Variants in VPS4B observed in about 807,000 individuals in gnomAD.
VPS4B encodes vacuolar protein sorting-associated protein 4B.
Under a neutral mutation model 56.1 loss-of-function variants are expected in VPS4B, and 23 were observed. That is an observed-to-expected ratio of 0.41 (90% CI 0.30 to 0.58). VPS4B has a LOEUF of 0.58. Among genes scored for constraint, VPS4B ranks in the 20% least tolerant of loss-of-function variants. The pLI is 0.29. For synonymous variants in VPS4B, 177 were observed against 186.0 expected, an observed-to-expected ratio of 0.95 and a Z score of 0.39; for missense variants, 372 against 531.9, an observed-to-expected ratio of 0.70 and a Z score of 2.96.
At chr18:63,394,469 CTTTT>C (rs554481058) in intron 9 of VPS4B, among the ~76,000 whole-genome samples, 1 of 143,032 alleles carries the variant, frequency 7.0e-6, no homozygotes, top group Admixed American at 7.0e-5. Context: ...GGAGGCACTT[CTTTT>C]TTTTTTTTTT....
rs1418707016 is a variant in VPS4B, at chr18:63,389,507, T to TA, written c.*1467dup. Reference sequence around the variant, plus strand: ...GGGAATCTAGTTCATCCTAACTTAATAGTCTTTTGCATGTATAGACAATGC... The same window carrying TA: ...GGGAATCTAGTTCATCCTAACTTAATAAGTCTTTTGCATGTATAGACAATGC... On this transcript the variant is annotated 3_prime_UTR_variant, in exon 11 of 11. Coordinates refer to ENST00000238497, the MANE Select transcript of VPS4B (RefSeq NM_004869.4). 6.5e-6 allele frequency: 1 copy of TA among 152,702 alleles called. No individual in the cohort carries two copies. Among genetic ancestry groups the TA allele is most frequent in the African/African-American group, 2.4e-5 (1 of 41,470 alleles). The allele number at this position is 152,702 out of a possible 1,614,324, so 9.5% of individuals were successfully genotyped here.
chr18:63,403,272 T>C (rs1371975030), intron 5 of VPS4B, among the ~76,000 whole-genome samples: 1 of 152,256 alleles, frequency 6.6e-6, no homozygotes, highest in Non-Finnish European at 1.5e-5. Context: ...CCTAGGCATA[T>C]ATTAATATTT....
At chr18:63,404,898 T>C (rs1438084325) in intron 4 of VPS4B, among the ~76,000 whole-genome samples, 1 of 152,180 alleles carries the variant, frequency 6.6e-6, no homozygotes, top group Non-Finnish European at 1.5e-5. Context: ...ACCATAAGCA[T>C]TTTGTATTCC....
chr18:63,407,267 C>T lies in VPS4B; in HGVS notation c.364+165G>A, dbSNP rs945679841. On this transcript the variant is annotated intron_variant, in intron 4 of 10. Transcript: ENST00000238497. ...CAAACCATGATCCTAGAGGGCAAAC[C>T]CTAAGAAAACACTCTAAACAAAGCC... 1.9e-5 allele frequency: 12 copies of T among 623,294 alleles called. No individual in the cohort carries two copies. The East Asian group carries it at 3.2e-4, about 17-fold the overall frequency. 38.6% of individuals were successfully genotyped at this position (623,294 alleles called of 1,614,324 possible). A position where few individuals can be genotyped will look rare whatever the true frequency, so the allele number is the denominator to read the frequency against.
At chr18:63,393,731 T>C (rs1300191182) in intron 9 of VPS4B, among the ~76,000 whole-genome samples, 182 bp from the exon 10 acceptor site, 3 of 152,020 alleles carry the variant, frequency 2.0e-5, no homozygotes, top group African/African-American at 4.8e-5. Flanking sequence ...TGGGATAGAT[T>C]TTGGTTGCTT....
chr18:63,416,575 C>G (rs1400295606), intron 1 of VPS4B: 1 of 152,230 alleles, frequency 6.6e-6, no homozygotes, highest in Non-Finnish European at 1.5e-5. Context: ...AAACTACTAC[C>G]CAGCCTCGTG....
At chr18:63,422,076 C>A (rs551366774) in intron 1 of VPS4B, among the ~76,000 whole-genome samples, 157 bp downstream of exon 1, 29 of 152,324 alleles carry the variant, frequency 1.9e-4, no homozygotes, top group African/African-American at 6.7e-4. Flanking sequence ...CGTTGGAAAA[C>A]GGGCCCCTCT....
intron 8 of VPS4B, among the ~76,000 whole-genome samples, chr18:63,398,190 T>TAC (rs967159935): frequency 5.4e-4 from 72 of 132,824 alleles, no homozygotes; most frequent in African/African-American, 1.1e-3. Flanking sequence ...TATACATATA[T>TAC]ACACACACAC....
chr18:63,415,728 G>C (rs1005671833), intron 1 of VPS4B: 9 of 240,982 alleles, frequency 3.7e-5, no homozygotes, highest in Non-Finnish European at 9.0e-6. Context: ...GGAGCTGATG[G>C]AGCTGATGAC....
chr18:63,400,340 A>C, intron 6 of VPS4B, 144 bp from the exon 7 acceptor site: 1 of 1,126,302 alleles, frequency 8.9e-7, no homozygotes, highest in East Asian at 2.6e-5. Context: ...CAACTGGATA[A>C]TTCACTTTAT....
intron 10 of VPS4B, among the ~76,000 whole-genome samples, chr18:63,391,993 A>C (rs1174244624): frequency 1.3e-5 from 2 of 152,220 alleles, no homozygotes; most frequent in African/African-American, 4.8e-5. Flanking sequence ...ACAAAGTACA[A>C]AAAATAAAAA....
At chr18:63,412,829 A>C (rs1916074549) in intron 1 of VPS4B, among the ~76,000 whole-genome samples, 1 of 152,090 alleles carries the variant, frequency 6.6e-6, no homozygotes, top group Non-Finnish European at 1.5e-5. Context: ...ACCCAGCTAA[A>C]ACTTTTAGAA....
intron 9 of VPS4B, among the ~76,000 whole-genome samples, chr18:63,395,122 T>C (rs1349295973): frequency 6.6e-6 from 1 of 152,196 alleles, no homozygotes; most frequent in East Asian, 1.9e-4. Context: ...ATAAAACTCA[T>C]CTGGCTGTGT....
chr18:63,416,271 GCAGCA>G, intron 1 of VPS4B: 1 of 212,184 alleles, frequency 4.7e-6, no homozygotes, highest in Admixed American at 4.4e-5. Context: ...CCCTGTTCCT[GCAGCA>G]GCTGTAGCTC....
intron 1 of VPS4B, among the ~76,000 whole-genome samples, chr18:63,414,537 T>C (rs1210529621): frequency 1.3e-5 from 2 of 152,046 alleles, no homozygotes. Flanking sequence ...CAGGTTCATG[T>C]GATTCTCCTG....
chr18:63,393,575 T>C (rs773317294), intron 9 of VPS4B, 26 bp from the exon 10 acceptor site: 35 of 1,539,444 alleles, frequency 2.3e-5, no homozygotes, highest in Non-Finnish European at 2.9e-5. Flanking sequence ...ATCTGAAATA[T>C]GTATTTGAAA....
At chr18:63,396,913 C>T in intron 9 of VPS4B, 121 bp downstream of exon 9, 1 of 884,248 alleles carries the variant, frequency 1.1e-6, no homozygotes, top group Non-Finnish European at 1.7e-6. Context: ...TTGCTTGAAC[C>T]CGGGAGGCGG....
At chr18:63,402,097 G>A (rs551671477) in intron 5 of VPS4B, among the ~76,000 whole-genome samples, 1 of 152,246 alleles carries the variant, frequency 6.6e-6, no homozygotes, top group East Asian at 1.9e-4. Flanking sequence ...GAATAACACT[G>A]TTTCACTTAA....
intron 3 of VPS4B, 108 bp downstream of exon 3, chr18:63,410,182 A>G: frequency 7.1e-7 from 1 of 1,410,398 alleles, no homozygotes; most frequent in Non-Finnish European, 9.6e-7. Context: ...GCAGCTGGGC[A>G]GCTTTGGCCC....
Sources: allele counts gnomAD v4.1 joint callset (sites outside exome capture counted in the v4.1 genomes callset), GRCh38; gene constraint gnomAD v4.1.1; transcripts MANE v1.5; gene names NCBI Gene and HGNC (gene_info 2026-07-23, HGNC 2026-07-21).